The following BRD10 variants were observed in gnomAD, a reference collection of about 807,000 sequenced individuals.
BRD10 encodes the protein bromodomain containing 10, also known as uncharacterized bromodomain-containing protein 10.
At chr9:5,957,898 T>C in the BRD10 span, among the ~76,000 whole-genome samples, 6 of 152,174 alleles carry the variant, frequency 3.9e-5, no homozygotes, top group East Asian at 7.7e-4. Context: ...GCAAGTTACA[T>C]ACTACCAGTG....
the BRD10 span, among the ~76,000 whole-genome samples, chr9:5,915,837 T>A: frequency 5.9e-5 from 9 of 152,224 alleles, no homozygotes; most frequent in Non-Finnish European, 1.2e-4. Context: ...AAGAAGTGCG[T>A]AGAATACATT....
chr9:5,952,820 G>A, the BRD10 span, among the ~76,000 whole-genome samples: 2 of 152,126 alleles, frequency 1.3e-5, no homozygotes, highest in Admixed American at 1.3e-4. Flanking sequence ...TAATACTAAA[G>A]CATTAAAATA....
chr9:5,937,425 C>G, the BRD10 span, among the ~76,000 whole-genome samples: 1 of 151,722 alleles, frequency 6.6e-6, no homozygotes, highest in African/African-American at 2.4e-5. Flanking sequence ...ATCCCAGCTA[C>G]TAGGGAGGCT....
At chr9:5,995,504 C>G in the BRD10 span, among the ~76,000 whole-genome samples, 5 of 152,208 alleles carry the variant, frequency 3.3e-5, no homozygotes, top group Non-Finnish European at 7.3e-5. Context: ...ATAAACAAGT[C>G]CAAGTTTCCC....
chr9:5,967,473 TATTA>T, the BRD10 span, among the ~76,000 whole-genome samples: 1 of 151,756 alleles, frequency 6.6e-6, no homozygotes, highest in African/African-American at 2.4e-5. Flanking sequence ...CTTCATGTCT[TATTA>T]ATTGATGTAA....
At chr9:5,935,795 A>G in the BRD10 span, among the ~76,000 whole-genome samples, 2 of 152,208 alleles carry the variant, frequency 1.3e-5, no homozygotes, top group African/African-American at 2.4e-5. Flanking sequence ...TTCTCTCACA[A>G]CGCCTAACTC....
At chr9:5,911,361 G>A in the BRD10 span, among the ~76,000 whole-genome samples, 34 of 141,094 alleles carry the variant, frequency 2.4e-4, no homozygotes, top group Admixed American at 1.9e-3. Context: ...GTAATATATG[G>A]ATTTGTTTCT....
the BRD10 span, among the ~76,000 whole-genome samples, chr9:5,937,493 C>T: frequency 1.3e-5 from 2 of 152,128 alleles, no homozygotes; most frequent in Non-Finnish European, 2.9e-5. Context: ...CGAGATCATG[C>T]CACTGCACTC....
At chr9:5,999,043 G>A in the BRD10 span, among the ~76,000 whole-genome samples, 1 of 151,834 alleles carries the variant, frequency 6.6e-6, no homozygotes, top group South Asian at 2.1e-4. Context: ...TAAAAACTAA[G>A]CTGTCAAATT....
the BRD10 span, among the ~76,000 whole-genome samples, chr9:6,000,248 T>C: frequency 1.3e-5 from 2 of 152,258 alleles, no homozygotes; most frequent in South Asian, 2.1e-4. Context: ...TGGAAGACGA[T>C]ATAACAAAGG....
At chr9:5,893,979 G>A in the BRD10 span, among the ~76,000 whole-genome samples, 2 of 149,858 alleles carry the variant, frequency 1.3e-5, no homozygotes, top group South Asian at 4.2e-4. Flanking sequence ...AAGGTTTAGA[G>A]AAATTAGGAA....
chr9:5,975,129 T>C, the BRD10 span, among the ~76,000 whole-genome samples: 2 of 152,022 alleles, frequency 1.3e-5, no homozygotes, highest in African/African-American at 2.4e-5. Flanking sequence ...CCAGAAATGA[T>C]ACACATATTA....
At chr9:5,972,223 A>C in the BRD10 span, among the ~76,000 whole-genome samples, 2 of 152,242 alleles carry the variant, frequency 1.3e-5, no homozygotes, top group Non-Finnish European at 2.9e-5. Flanking sequence ...ATCTGGCCCC[A>C]AGATAATAGA....
chr9:5,960,882 G>A, the BRD10 span, among the ~76,000 whole-genome samples: 1 of 152,242 alleles, frequency 6.6e-6, no homozygotes, highest in Middle Eastern at 3.4e-3. Context: ...TTAAAATGAT[G>A]CTACAGGGAC....
chr9:5,929,386 T>C, the BRD10 span, among the ~76,000 whole-genome samples: 1 of 152,172 alleles, frequency 6.6e-6, no homozygotes, highest in Non-Finnish European at 1.5e-5. Flanking sequence ...AACTGGAAGA[T>C]AAAAATTTTA....
the BRD10 span, among the ~76,000 whole-genome samples, chr9:5,941,263 T>A: frequency 6.6e-6 from 1 of 152,208 alleles, no homozygotes; most frequent in Non-Finnish European, 1.5e-5. Flanking sequence ...GGAAAACTAA[T>A]AAATTTTCTA....
the BRD10 span, among the ~76,000 whole-genome samples, chr9:5,946,832 T>C: frequency 6.6e-6 from 1 of 152,110 alleles, no homozygotes; most frequent in African/African-American, 2.4e-5. Context: ...TAGAACTAAA[T>C]GAAAACATAT....
the BRD10 span, chr9:5,922,799 T>C: frequency 1.9e-6 from 3 of 1,613,908 alleles, no homozygotes; most frequent in African/African-American, 1.3e-5. Context: ...GGGCATTTTG[T>C]ATACCATTTG....
chr9:6,007,532 G>C, the BRD10 span: 2 of 1,613,102 alleles, frequency 1.2e-6, no homozygotes, highest in African/African-American at 1.3e-5. Context: ...AACTCGCCCA[G>C]GATGCGGTAG....
Sources: gnomAD v4.1 joint callset for allele counts (sites outside exome capture counted in the v4.1 genomes callset) on GRCh38, gnomAD v4.1.1 for gene constraint, MANE v1.5 for transcripts, NCBI Gene and HGNC (gene_info 2026-07-23, HGNC 2026-07-21) for gene names.